TTC29: variants seen among roughly 807,000 people sequenced by gnomAD.
TTC29 encodes tetratricopeptide repeat protein 29.
A neutral mutation model predicts 58.1 loss-of-function variants in TTC29; 49 were observed. That is an observed-to-expected ratio of 0.84 (90% CI 0.67 to 1.07). TTC29 has a LOEUF of 1.07. Among genes scored for constraint, TTC29 ranks in the 50% least tolerant of loss-of-function variants. The probability of loss-of-function intolerance (pLI) is 0.00; values close to 1 mark genes in which losing one functional copy is unlikely to be tolerated. For synonymous variants in TTC29, 209 were observed against 196.8 expected (o/e 1.06, Z -0.52); for missense variants, 582 against 555.6 (o/e 1.05, Z -0.48).
intron 4 of TTC29, among the ~76,000 whole-genome samples, chr4:146,921,793 A>G (rs533949284): frequency 4.0e-5 from 6 of 151,348 alleles, no homozygotes; most frequent in Non-Finnish European, 7.4e-5. Context: ...CCTCACACTA[A>G]TATTTAGATT....
chr4:146,942,251 T>G (rs1023727314), intron 2 of TTC29, among the ~76,000 whole-genome samples: 3 of 152,100 alleles, frequency 2.0e-5, no homozygotes, highest in Non-Finnish European at 4.4e-5. Flanking sequence ...AGAGTGGAAG[T>G]TAATGAACAT....
intron 4 of TTC29, among the ~76,000 whole-genome samples, chr4:146,931,346 A>C (rs974752521): frequency 6.6e-6 from 1 of 152,250 alleles, no homozygotes; most frequent in Non-Finnish European, 1.5e-5. Flanking sequence ...CAACACATTA[A>C]GTTAATGCAA....
chr4:146,867,532 T>C lies in TTC29; in HGVS notation c.851A>G (p.His284Arg), dbSNP rs369571582. 348 of 1,554,688 alleles carry C rather than the reference T, an allele frequency of 2.2e-4. No homozygotes were observed. The highest frequency in any genetic ancestry group is 2.6e-4 in the South Asian group (21 of 80,504). ...AEASYYLGLAHLAAEEYETAL... is the reference protein window; with the variant it reads ...AEASYYLGLARLAAEEYETAL... The stretch of plus-strand genomic sequence containing the variant: ...TGTTTCATATTCCTCAGCAGCTAAG[T>C]GTGCTAAGCCCAAGTAGTAAGAGGC... Residue 284 changes from histidine (H) to arginine (R), a missense_variant, in exon 8 of 13, where the codon CAC (histidine) becomes CGC (arginine). Coordinates refer to ENST00000325106, the MANE Select transcript of TTC29 (RefSeq NM_031956.4).
chr4:146,856,779 G>A (rs1370199364), intron 8 of TTC29, among the ~76,000 whole-genome samples: 1 of 150,664 alleles, frequency 6.6e-6, no homozygotes, highest in African/African-American at 2.4e-5. Context: ...TTATTGATGA[G>A]GAAATGAAAA....
chr4:146,734,517 G>T (rs193173076), intron 11 of TTC29, among the ~76,000 whole-genome samples: 1 of 152,200 alleles, frequency 6.6e-6, no homozygotes, highest in African/African-American at 2.4e-5. Context: ...ACTTGAAACT[G>T]GTCTGTCAGA....
chr4:146,830,786 CATGT>C (rs138687623), intron 9 of TTC29, among the ~76,000 whole-genome samples: 7,135 of 152,098 alleles, frequency 0.047, 247 homozygotes, highest in Non-Finnish European at 0.071. Context: ...TGGGTATGTG[CATGT>C]ATGTATGTGT....
At chr4:146,810,632 C>T (rs1354782999) in intron 10 of TTC29, among the ~76,000 whole-genome samples, 14 of 133,672 alleles carry the variant, frequency 1.0e-4, no homozygotes, top group African/African-American at 3.7e-4. Context: ...CACTCTGTTG[C>T]CCAGGTTGGA....
intron 9 of TTC29, among the ~76,000 whole-genome samples, chr4:146,832,623 C>T (rs1255031862): frequency 6.7e-6 from 1 of 149,992 alleles, no homozygotes; most frequent in East Asian, 2.0e-4. Flanking sequence ...AGGAGCCCTC[C>T]TCCATGGCCA....
At chr4:146,842,601 G>A (rs558666761) in intron 8 of TTC29, among the ~76,000 whole-genome samples, 42 of 152,082 alleles carry the variant, frequency 2.8e-4, no homozygotes, top group African/African-American at 8.7e-4. Flanking sequence ...AAACCATAAA[G>A]AGCATCAAAC....
chr4:146,840,450 T>C (rs1392885651), intron 8 of TTC29, among the ~76,000 whole-genome samples: 2 of 152,096 alleles, frequency 1.3e-5, no homozygotes, highest in Non-Finnish European at 2.9e-5. Context: ...ATATTTCTGC[T>C]CTTAAAGACC....
intron 11 of TTC29, among the ~76,000 whole-genome samples, chr4:146,779,287 T>A (rs1431748729): frequency 2.6e-5 from 4 of 152,128 alleles, no homozygotes; most frequent in Non-Finnish European, 5.9e-5. Flanking sequence ...CAACTTCCAC[T>A]CCCATTTCTT....
At chr4:146,863,884 T>C (rs988480739) in intron 8 of TTC29, among the ~76,000 whole-genome samples, 6 of 152,136 alleles carry the variant, frequency 3.9e-5, no homozygotes, top group Admixed American at 1.3e-4. Context: ...TTTTGTTCTA[T>C]TGAAGTCCCC....
chr4:146,750,339 G>C (rs1745889721), intron 11 of TTC29, among the ~76,000 whole-genome samples: 1 of 152,118 alleles, frequency 6.6e-6, no homozygotes, highest in South Asian at 2.1e-4. Context: ...ATTTAAGAAA[G>C]TTCATGCCGA....
intron 10 of TTC29, among the ~76,000 whole-genome samples, chr4:146,814,310 G>C (rs1482274930): frequency 1.3e-5 from 2 of 151,942 alleles, no homozygotes; most frequent in African/African-American, 4.8e-5. Context: ...CCCAGGTGGG[G>C]CAGCTCATGC....
At chr4:146,743,497 C>CT (rs1321483515) in intron 11 of TTC29, among the ~76,000 whole-genome samples, 1 of 151,978 alleles carries the variant, frequency 6.6e-6, no homozygotes, top group African/African-American at 2.4e-5. Context: ...CCAGACTGCT[C>CT]TTTTTTTTCT....
At position 146,825,847 on chromosome 4, in the gene TTC29, C is replaced by T. The variant is rs148523123; in HGVS notation, c.978-5599G>A. On this transcript the variant is annotated intron_variant, in intron 9 of 12. Transcript: ENST00000325106. ...CTTCTTGTTGAATTGTTCCCTTTAC[C>T]ATTATGTAATGCTCTTCTTTGTCTT... Among the ~76,000 whole-genome samples the T allele has an allele frequency of 2.5e-3, 385 of 152,074 alleles. 4 individuals are homozygous for T. The highest frequency in any genetic ancestry group is 8.9e-3 in the African/African-American group (370 of 41,466).
intron 5 of TTC29, among the ~76,000 whole-genome samples, chr4:146,904,727 A>C (rs1188680220): frequency 6.6e-6 from 1 of 152,186 alleles, no homozygotes; most frequent in Non-Finnish European, 1.5e-5. Flanking sequence ...CACTGATATT[A>C]ATTGTTCACT....
intron 6 of TTC29, among the ~76,000 whole-genome samples, chr4:146,875,880 A>G (rs919020773): frequency 3.3e-5 from 5 of 152,248 alleles, no homozygotes; most frequent in African/African-American, 1.2e-4. Flanking sequence ...TTCTGGAAGA[A>G]TAGTTTGCAG....
chr4:146,940,028 G>C (rs961262013), intron 2 of TTC29, 127 bp from the exon 3 acceptor site: 2 of 810,342 alleles, frequency 2.5e-6, no homozygotes, highest in South Asian at 5.9e-5. Context: ...TGCTACAGCT[G>C]TGTTATTCGG....
Sources: gnomAD v4.1 joint callset for allele counts (sites outside exome capture counted in the v4.1 genomes callset) on GRCh38, gnomAD v4.1.1 for gene constraint, MANE v1.5 for transcripts, NCBI Gene and HGNC (gene_info 2026-07-23, HGNC 2026-07-21) for gene names.